PGCKA1: variants seen among roughly 807,000 people sequenced by gnomAD.
The protein encoded by PGCKA1 is PDCD10 and GCKIII kinases associated 1.
At chr4:37,506,794 C>T in the PGCKA1 span, among the ~76,000 whole-genome samples, 1 of 151,960 alleles carries the variant, frequency 6.6e-6, no homozygotes, top group African/African-American at 2.4e-5. Context: ...CTATTGATTC[C>T]ATTTGGTCTA....
chr4:37,522,989 G>A, the PGCKA1 span, among the ~76,000 whole-genome samples: 5 of 152,190 alleles, frequency 3.3e-5, no homozygotes, highest in East Asian at 1.9e-4. Flanking sequence ...TCACCCCAGC[G>A]GATGTCTCAG....
chr4:37,501,180 AT>A, the PGCKA1 span, among the ~76,000 whole-genome samples: 17 of 151,968 alleles, frequency 1.1e-4, no homozygotes, highest in South Asian at 3.1e-3. Context: ...TTATTATGTG[AT>A]TTGTTTGTGT....
the PGCKA1 span, among the ~76,000 whole-genome samples, chr4:37,461,956 A>G: frequency 2.0e-5 from 3 of 152,008 alleles, no homozygotes; most frequent in Admixed American, 6.5e-5. Context: ...TGGACTGTCA[A>G]GTTCTGAACT....
the PGCKA1 span, among the ~76,000 whole-genome samples, chr4:37,480,683 G>A: frequency 2.0e-5 from 3 of 152,186 alleles, no homozygotes; most frequent in Non-Finnish European, 1.5e-5. Flanking sequence ...GATTATTTTG[G>A]GGCAGACATC....
At chr4:37,514,010 T>C in the PGCKA1 span, among the ~76,000 whole-genome samples, 1 of 152,236 alleles carries the variant, frequency 6.6e-6, no homozygotes, top group Non-Finnish European at 1.5e-5. Flanking sequence ...GCATAATTTA[T>C]AATGAACAGA....
the PGCKA1 span, among the ~76,000 whole-genome samples, chr4:37,535,741 T>C: frequency 1.3e-5 from 2 of 152,082 alleles, no homozygotes; most frequent in Non-Finnish European, 1.5e-5. Context: ...ACCACCACAT[T>C]ATGGATGAGG....
At chr4:37,515,157 A>G in the PGCKA1 span, among the ~76,000 whole-genome samples, 1 of 152,126 alleles carries the variant, frequency 6.6e-6, no homozygotes, top group East Asian at 1.9e-4. Flanking sequence ...GCTCTTATAA[A>G]AGGGATCCCA....
At chr4:37,540,995 C>A in the PGCKA1 span, among the ~76,000 whole-genome samples, 558 of 151,754 alleles carry the variant, frequency 3.7e-3, 1 homozygote, top group African/African-American at 0.013. Context: ...ACAAACAGCC[C>A]GTCCACTCTG....
the PGCKA1 span, among the ~76,000 whole-genome samples, chr4:37,463,305 T>C: frequency 6.6e-6 from 1 of 152,200 alleles, no homozygotes; most frequent in African/African-American, 2.4e-5. Flanking sequence ...CTACCTGGCA[T>C]GTGACAAACG....
the PGCKA1 span, among the ~76,000 whole-genome samples, chr4:37,468,636 T>C: frequency 6.6e-6 from 1 of 152,206 alleles, no homozygotes; most frequent in Non-Finnish European, 1.5e-5. Flanking sequence ...AAATTTGGTG[T>C]GTTTGTTTCC....
the PGCKA1 span, among the ~76,000 whole-genome samples, chr4:37,579,358 T>C: frequency 6.6e-6 from 1 of 152,244 alleles, no homozygotes; most frequent in East Asian, 1.9e-4. Context: ...TGATTACCAG[T>C]GAGTTTTGTA....
the PGCKA1 span, among the ~76,000 whole-genome samples, chr4:37,520,722 A>G: frequency 8.6e-5 from 13 of 151,948 alleles, no homozygotes; most frequent in African/African-American, 2.9e-4. Flanking sequence ...GCTTCCCGCC[A>G]TTCTCCTGCT....
the PGCKA1 span, among the ~76,000 whole-genome samples, chr4:37,551,758 T>C: frequency 6.6e-6 from 1 of 152,216 alleles, no homozygotes; most frequent in Non-Finnish European, 1.5e-5. Context: ...TTAAAACTCT[T>C]ATAATAGGAG....
the PGCKA1 span, chr4:37,460,794 A>G: frequency 3.0e-6 from 1 of 334,698 alleles, no homozygotes; most frequent in African/African-American, 2.2e-5. Context: ...TTGCCTGTTC[A>G]CTCTGATGAT....
At chr4:37,460,586 C>G in the PGCKA1 span, 2 of 453,238 alleles carry the variant, frequency 4.4e-6, no homozygotes, top group South Asian at 3.1e-5. Flanking sequence ...GTCTAATGAT[C>G]AGTGATGAGC....
the PGCKA1 span, among the ~76,000 whole-genome samples, chr4:37,530,807 C>T: frequency 1.3e-5 from 2 of 151,820 alleles, no homozygotes; most frequent in Admixed American, 6.6e-5. Flanking sequence ...TGAAGCCCCC[C>T]GTCTCCACTA....
chr4:37,537,542 A>T, the PGCKA1 span, among the ~76,000 whole-genome samples: 1 of 152,212 alleles, frequency 6.6e-6, no homozygotes, highest in African/African-American at 2.4e-5. Flanking sequence ...ATAGAAAAAA[A>T]ATGAGGCTGA....
the PGCKA1 span, among the ~76,000 whole-genome samples, chr4:37,493,813 T>G: frequency 6.6e-6 from 1 of 152,316 alleles, no homozygotes; most frequent in South Asian, 2.1e-4. Context: ...CACAAATAGG[T>G]GACGACATGT....
the PGCKA1 span, among the ~76,000 whole-genome samples, chr4:37,514,704 G>A: frequency 6.6e-6 from 1 of 152,168 alleles, no homozygotes; most frequent in Non-Finnish European, 1.5e-5. Flanking sequence ...AACAAAAATT[G>A]CTCACAAATG....
Sources: allele counts gnomAD v4.1 joint callset (sites outside exome capture counted in the v4.1 genomes callset), GRCh38; gene constraint gnomAD v4.1.1; transcripts MANE v1.5; gene names NCBI Gene and HGNC (gene_info 2026-07-23, HGNC 2026-07-21).